BCOR: variants seen among roughly 807,000 people sequenced by gnomAD.
The protein encoded by BCOR is BCL6 corepressor, also known as BCL-6 corepressor.
BCOR carries 10 observed loss-of-function variants against 86.7 expected under a neutral mutation model. The ratio of observed to expected loss-of-function variants is 0.12; its 90% CI spans 0.07 to 0.20. The LOEUF (loss-of-function observed/expected upper bound fraction) is 0.20, where lower values mean the gene tolerates loss of function less well. BCOR is among the 10% of genes least tolerant of loss of function. BCOR has a pLI of 1.00. For synonymous variants in BCOR, 611 were observed against 609.0 expected (o/e 1.00, Z -0.05); for missense variants, 1,259 against 1,452.1 (o/e 0.87, Z 2.16).
At chrX:40,122,713 A>G (rs4308866) in intron 1 of BCOR, among the ~76,000 whole-genome samples, 29,684 of 110,798 alleles carry the variant, frequency 0.27, 5,075 homozygotes, top group African/African-American at 0.64. Context: ...CAGGCCTGTG[A>G]CTGGATATTC....
chrX:40,080,804 C>T (rs768536702), intron 1 of BCOR, among the ~76,000 whole-genome samples: 221 of 95,995 alleles, frequency 2.3e-3, no homozygotes, highest in African/African-American at 8.2e-3. Flanking sequence ...GCTAGCAGAG[C>T]GGTTCACTGT....
chrX:40,142,695 C>T (rs1361773469), intron 1 of BCOR, among the ~76,000 whole-genome samples: 1 of 112,071 alleles, frequency 8.9e-6, no homozygotes, highest in Non-Finnish European at 1.9e-5. Context: ...GACCTCCCTC[C>T]TGCTCTGTGG....
chrX:40,066,669 G>A (rs892176436), intron 6 of BCOR, among the ~76,000 whole-genome samples: 5 of 111,746 alleles, frequency 4.5e-5, no homozygotes, highest in African/African-American at 1.6e-4. Flanking sequence ...CTGTGGGAGG[G>A]GCTGGGGGTG....
At chrX:40,056,526 G>A (rs1160665353) in intron 11 of BCOR, among the ~76,000 whole-genome samples, 2 of 111,328 alleles carry the variant, frequency 1.8e-5, no homozygotes, top group Admixed American at 1.9e-4. Flanking sequence ...GGGAGAAGAT[G>A]GGTCTCTGCC....
chrX:40,071,540 G>T, intron 5 of BCOR, 97 bp downstream of exon 5: 2 of 620,432 alleles, frequency 3.2e-6, no homozygotes, highest in Middle Eastern at 3.1e-4. Context: ...GAATAAAGAC[G>T]ACCATGGCCC....
chrX:40,079,637 GGGTTCT>G (rs1172129524), intron 1 of BCOR, among the ~76,000 whole-genome samples: 11 of 112,194 alleles, frequency 9.8e-5, no homozygotes, highest in African/African-American at 3.6e-4. Flanking sequence ...AGGCATGATG[GGGTTCT>G]GGAAAGCTAT....
At chrX:40,155,565 G>GT (rs1938272453) in intron 1 of BCOR, among the ~76,000 whole-genome samples, 1 of 110,724 alleles carries the variant, frequency 9.0e-6, no homozygotes, top group Non-Finnish European at 1.9e-5. Context: ...GACCCAGACG[G>GT]GAGCGGGCGG....
rs1935888054 is a variant in BCOR at position 40,077,882 on chromosome X, G to A, written c.48C>T (p.Asn16=). ...CCCCACACATGCGGACCCTCTCGCT[G>A]TTCATCCAGCTGTGAACGTTCCCAT... The part of the protein sequence containing the change: ...PLYGNVHSWM[N]SERVRMCGAS... The change falls in exon 2 of 15, where the codon AAC becomes AAT. Residue 16 remains asparagine, a synonymous_variant. Transcript: ENST00000378444. The A allele has an allele frequency of 1.7e-6, 2 of 1,211,038 alleles. No homozygotes were observed. The highest frequency in any genetic ancestry group is 1.7e-5 in the African/African-American group (1 of 57,508).
chrX:40,085,928 G>A (rs1936336522), intron 1 of BCOR, among the ~76,000 whole-genome samples: 1 of 111,797 alleles, frequency 8.9e-6, no homozygotes, highest in Non-Finnish European at 1.9e-5. Context: ...AGGGCCTGGC[G>A]GGGTACCAGG....
intron 1 of BCOR, among the ~76,000 whole-genome samples, chrX:40,139,480 TATATATATATATA>T (rs1937847728): frequency 7.3e-5 from 1 of 13,705 alleles, no homozygotes; most frequent in African/African-American, 5.6e-4. Context: ...TATATATATA[TATATATATATATA>T]TATATTTTTT....
chrX:40,166,816 T>G (rs766829397), intron 1 of BCOR, among the ~76,000 whole-genome samples: 102 of 112,102 alleles, frequency 9.1e-4, no homozygotes, highest in Non-Finnish European at 1.5e-4. Flanking sequence ...GGCTCTGCCT[T>G]CCTCAGGGCA....
chrX:40,080,620 G>A (rs56978462), intron 1 of BCOR, among the ~76,000 whole-genome samples: 25,220 of 110,476 alleles, frequency 0.23, 4,404 homozygotes, highest in African/African-American at 0.58. Flanking sequence ...CCTGGACTTA[G>A]CAGAAAGGTG....
chrX:40,140,948 C>A (rs1937910730), intron 1 of BCOR, among the ~76,000 whole-genome samples: 1 of 112,963 alleles, frequency 8.9e-6, no homozygotes, highest in African/African-American at 3.2e-5. Flanking sequence ...AATTGGGTCA[C>A]CCCTGGTTCA....
intron 1 of BCOR, among the ~76,000 whole-genome samples, chrX:40,175,159 G>A (rs1938716201): frequency 8.9e-6 from 1 of 112,179 alleles, no homozygotes; most frequent in African/African-American, 3.2e-5. Context: ...GGATCGGGCT[G>A]GGGGTGGGGT....
At chrX:40,096,579 C>A (rs1476082319) in intron 1 of BCOR, among the ~76,000 whole-genome samples, 1 of 111,626 alleles carries the variant, frequency 9.0e-6, no homozygotes, top group Non-Finnish European at 1.9e-5. Context: ...GACTCCCCTC[C>A]CGAGTTGCGC....
At chrX:40,175,107 G>A (rs1602289315) in intron 1 of BCOR, among the ~76,000 whole-genome samples, 1 of 103,320 alleles carries the variant, frequency 9.7e-6, no homozygotes, top group Non-Finnish European at 2.0e-5. Flanking sequence ...ATACTCGCGG[G>A]CAGCCTGTTC....
At chrX:40,110,322 TA>T (rs902170199) in intron 1 of BCOR, among the ~76,000 whole-genome samples, 31 of 111,146 alleles carry the variant, frequency 2.8e-4, no homozygotes, top group South Asian at 2.6e-3. Flanking sequence ...CTTCAATAGT[TA>T]AAAAAAAGAC....
rs994716588 is a variant in BCOR at position 40,082,698 on chromosome X, C to G, written c.-40-4729G>C. Among the ~76,000 whole-genome samples, 4 of 112,007 alleles carry G rather than the reference C, an allele frequency of 3.6e-5. No homozygotes were observed. The Admixed American group carries it at 3.8e-4, about 11-fold the overall frequency. ...CGTGTCTCTGGGCAGGTGGCTGAAC[C>G]TCTCCAACCTTGGTCCCCTCTGTAA... is the stretch of plus-strand genomic sequence containing the variant. On this transcript the variant is annotated intron_variant, in intron 1 of 14. Transcript: ENST00000378444.
chrX:40,053,132 C>T (rs113465854), intron 14 of BCOR, among the ~76,000 whole-genome samples: 34 of 112,156 alleles, frequency 3.0e-4, no homozygotes, highest in African/African-American at 1.1e-3. Context: ...TATAAACACA[C>T]AAGGCTGTCT....
Sources: allele counts gnomAD v4.1 joint callset (sites outside exome capture counted in the v4.1 genomes callset), GRCh38; gene constraint gnomAD v4.1.1; transcripts MANE v1.5; gene names NCBI Gene and HGNC (gene_info 2026-07-23, HGNC 2026-07-21).